The following TRPV4 variants were observed in gnomAD, a reference collection of about 807,000 sequenced individuals.
The protein encoded by TRPV4 is transient receptor potential cation channel subfamily V member 4.
In TRPV4, 58 loss-of-function variants were observed where a neutral mutation model predicts 84.1. The observed-to-expected ratio is 0.69, with a 90% CI of 0.56 to 0.86. The LOEUF (loss-of-function observed/expected upper bound fraction) is 0.86. Ranked by LOEUF, TRPV4 falls within the 40% of genes least tolerant of loss-of-function variation. TRPV4 has a pLI of 0.00. For missense variants in TRPV4, 879 were observed against 1,181.1 expected (o/e 0.74, Z 3.75); for synonymous variants, 489 against 500.9 (o/e 0.98, Z 0.32).
chr12:109,811,863 A>G (rs1410681920), intron 2 of TRPV4, among the ~76,000 whole-genome samples: 1 of 148,390 alleles, frequency 6.7e-6, no homozygotes, highest in Non-Finnish European at 1.5e-5. Context: ...GGACACACAC[A>G]CAGGCCACCG....
At position 109,798,251 on chromosome 12, in the gene TRPV4, C is replaced by T. The variant is rs557649988; in HGVS notation, c.1152+363G>A. 2.0e-5 allele frequency among the ~76,000 whole-genome samples: 3 copies of T among 152,158 alleles called. No individual in the cohort carries two copies. The highest frequency in any genetic ancestry group is 4.4e-5 in the Non-Finnish European group (3 of 68,032). ...AAACCCTTCTCCAGGCCCCATGCTG[C>T]GCGGCCCAGAAAAGGGAAGGAACTG... On this transcript the variant is annotated intron_variant, in intron 6 of 15. Transcript: ENST00000261740. The surrounding 1 kb of genome is among the most constrained non-coding windows in gnomAD (Gnocchi z 5.0).
Position 109,796,972 on chromosome 12 carries a change from A to G in TRPV4, c.1153-268T>C, listed in dbSNP as rs1444924979. On this transcript the variant is annotated intron_variant, in intron 6 of 15. Transcript: ENST00000261740. This position sits in a 1 kb window ranked among gnomAD's most constrained non-coding sequence, Gnocchi z 4.2. ...GATGAGCCTTCAACATCTTAATTGTAATGAATATCTTCTTCATGCCGTTAA... is the reference window on the plus strand; with the variant it reads ...GATGAGCCTTCAACATCTTAATTGTGATGAATATCTTCTTCATGCCGTTAA... 2.0e-5 allele frequency among the ~76,000 whole-genome samples: 3 copies of G among 152,202 alleles called. No homozygotes were observed. Among genetic ancestry groups the G allele is most frequent in the Admixed American group, 6.5e-5 (1 of 15,274 alleles).
At chr12:109,821,465 C>T (rs1403177317) in intron 1 of TRPV4, among the ~76,000 whole-genome samples, 1 of 152,184 alleles carries the variant, frequency 6.6e-6, no homozygotes, top group African/African-American at 2.4e-5. Context: ...CCTGTTTCCC[C>T]TGCTCTTTAC....
rs865990220 is a variant in TRPV4, at chr12:109,788,838, A to G, written c.1892-122T>C. On this transcript the variant is annotated intron_variant, in intron 12 of 15. Coordinates refer to ENST00000261740, the MANE Select transcript of TRPV4 (RefSeq NM_021625.5). ...TAGTGAGCGGAGCACGCTGGCCCAC[A>G]CGCTGACCCATGTCACCCTACACAT... The G allele has an allele frequency of 4.6e-5, 51 of 1,113,818 alleles. No homozygotes were observed. In the African/African-American group the frequency reaches 6.8e-4, roughly 15 times the overall value. The allele number at this position is 1,113,818 out of a possible 1,614,324, so 69.0% of individuals were successfully genotyped here. A position where few individuals can be genotyped will look rare whatever the true frequency, so the allele number is the denominator to read the frequency against.
Position 109,821,561 on chromosome 12 carries a change from G to A in TRPV4, c.-31-6734C>T, listed in dbSNP as rs1008700131. 5.9e-5 allele frequency among the ~76,000 whole-genome samples: 9 copies of A among 151,402 alleles called. No individual in the cohort carries two copies. In the South Asian group the frequency reaches 1.5e-3, roughly 25 times the overall value. ...GTATTTTTTTTTTCAAGAGAGTCTCGCTCTGTCCCCCAGGTTGGAGTGCAG... is the reference window on the plus strand; with the variant it reads ...GTATTTTTTTTTTCAAGAGAGTCTCACTCTGTCCCCCAGGTTGGAGTGCAG... On this transcript the variant is annotated intron_variant, in intron 1 of 15. Transcript: ENST00000261740.
Position 109,814,714 on chromosome 12 carries a change from C to T in TRPV4, c.83G>A (p.Gly28Glu), listed in dbSNP as rs775254127. Reference sequence around the variant, plus strand: ...CAGGGAGGAGAGAGGAAAAGCCTCCCCACCTGGGGTGCCACTCTCATCCCC... The same window carrying T: ...CAGGGAGGAGAGAGGAAAAGCCTCCTCACCTGGGGTGCCACTCTCATCCCC... The part of the protein sequence containing the change: ...LPGDESGTPG[G>E]EAFPLSSLAN... Residue 28 changes from glycine (G) to glutamate (E), a missense_variant, in exon 2 of 16, where the codon GGG (glycine) becomes GAG (glutamate). By Grantham distance (98) the Gly-to-Glu change is moderately conservative. Transcript: ENST00000261740. This position sits in a 1 kb window ranked among gnomAD's most constrained non-coding sequence, Gnocchi z 5.4. 6.2e-7 allele frequency: 1 copy of T among 1,604,134 alleles called. No individual in the cohort carries two copies. Among genetic ancestry groups the T allele is most frequent in the Non-Finnish European group, 8.5e-7 (1 of 1,176,198 alleles).
intron 1 of TRPV4, among the ~76,000 whole-genome samples, chr12:109,825,001 C>T (rs886936416): frequency 2.6e-5 from 4 of 151,710 alleles, no homozygotes; most frequent in South Asian, 2.1e-4. Context: ...GGGGTTAAGC[C>T]GTATTTGCTC....
At chr12:109,823,125 C>T (rs1016245394) in intron 1 of TRPV4, among the ~76,000 whole-genome samples, 3 of 152,206 alleles carry the variant, frequency 2.0e-5, no homozygotes, top group Non-Finnish European at 2.9e-5. Context: ...CCCCACGGCT[C>T]CCAGGCACTT....
At chr12:109,795,254 C>G (rs1890318272) in intron 7 of TRPV4, among the ~76,000 whole-genome samples, 1 of 152,120 alleles carries the variant, frequency 6.6e-6, no homozygotes, top group Non-Finnish European at 1.5e-5. Flanking sequence ...ATAATTGAGC[C>G]CTGCACAATT....
At chr12:109,784,826 G>A in intron 14 of TRPV4, among the ~76,000 whole-genome samples, 1 of 111,590 alleles carries the variant, frequency 9.0e-6, no homozygotes, top group South Asian at 3.8e-4. Context: ...GGGGGACAAA[G>A]CAAGACTCCA....
chr12:109,831,873 G>A (rs1014395690), intron 1 of TRPV4, among the ~76,000 whole-genome samples: 7 of 152,196 alleles, frequency 4.6e-5, no homozygotes, highest in African/African-American at 1.4e-4. Flanking sequence ...GACCCCTTCC[G>A]CGTGCAATTC....
rs749870092 is a variant in TRPV4, at chr12:109,786,685, C to T, written c.2336+25G>A. On this transcript the variant is annotated intron_variant, in intron 14 of 15. Coordinates refer to ENST00000261740, the MANE Select transcript of TRPV4 (RefSeq NM_021625.5). The surrounding 1 kb of genome is among the most constrained non-coding windows in gnomAD (Gnocchi z 4.5). ...AGTGGGGACAGTTCCGCCCTGCCATCCTGGCCCCACTGCCCCAGCCTCACC... is the reference window on the plus strand; with the variant it reads ...AGTGGGGACAGTTCCGCCCTGCCATTCTGGCCCCACTGCCCCAGCCTCACC... The T allele has an allele frequency of 5.0e-6, 8 of 1,613,068 alleles. No homozygotes were observed. The highest frequency in any genetic ancestry group is 6.8e-6 in the Non-Finnish European group (8 of 1,179,946).
rs951362382 is a variant in TRPV4, at chr12:109,812,670, G to A, written c.386+1741C>T. On this transcript the variant is annotated intron_variant, in intron 2 of 15. Transcript: ENST00000261740. Reference sequence around the variant, plus strand: ...GAGAGGAAGGAAAGAAGGACAGCAGGCAGGTGAGCAATCAAGCATGAGAAA... The same window carrying A: ...GAGAGGAAGGAAAGAAGGACAGCAGACAGGTGAGCAATCAAGCATGAGAAA... Among the ~76,000 whole-genome samples the A allele has an allele frequency of 9.2e-5, 14 of 152,126 alleles. 1 individual carries two copies. Among genetic ancestry groups the A allele is most frequent in the African/African-American group, 3.4e-4 (14 of 41,420 alleles).
intron 3 of TRPV4, among the ~76,000 whole-genome samples, chr12:109,807,174 G>C (rs1481266374): frequency 6.6e-6 from 1 of 151,684 alleles, no homozygotes; most frequent in Non-Finnish European, 1.5e-5. Flanking sequence ...TACTTGGGAG[G>C]CTGAGGCAGG....
At chr12:109,802,868 A>T (rs1890889534) in intron 4 of TRPV4, 123 bp downstream of exon 4, 1 of 977,870 alleles carries the variant, frequency 1.0e-6, no homozygotes, top group Admixed American at 1.9e-5. Context: ...CCATCCATCC[A>T]TTTGTCAGGT....
At chr12:109,827,203 A>G (rs1385407620) in intron 1 of TRPV4, among the ~76,000 whole-genome samples, 2 of 152,198 alleles carry the variant, frequency 1.3e-5, no homozygotes, top group African/African-American at 2.4e-5. Context: ...TTTCTGGCCT[A>G]TAAGACCAAC....
In TRPV4 at chr12:109,792,413, AG is replaced by A; in HGVS notation, c.1840del (p.Leu614PhefsTer12). The A allele has an allele frequency of 2.5e-6, 4 of 1,613,978 alleles. No homozygotes were observed. The highest frequency in any genetic ancestry group is 3.4e-6 in the Non-Finnish European group (4 of 1,179,984). ...IMIQKILFKD[L>X]FRFLLVYLLF... ...CAAGTAGACGAGCAGGAATCGGAAAAGGTCCTTGAAGAGAATCTAAAGACCC... is the reference window on the plus strand; with the variant it reads ...CAAGTAGACGAGCAGGAATCGGAAAAGTCCTTGAAGAGAATCTAAAGACCC... On this transcript the variant is annotated frameshift_variant, in exon 12 of 16. Transcript: ENST00000261740. LOFTEE classifies it high-confidence loss of function.
At chr12:109,785,494 C>T (rs1204179666) in intron 14 of TRPV4, among the ~76,000 whole-genome samples, 1 of 152,032 alleles carries the variant, frequency 6.6e-6, no homozygotes, top group Non-Finnish European at 1.5e-5. Flanking sequence ...TCTCGGCTCA[C>T]TGCAACCTCC....
intron 12 of TRPV4, 44 bp from the exon 13 acceptor site, chr12:109,788,760 C>G: frequency 6.2e-7 from 1 of 1,606,498 alleles, no homozygotes; most frequent in Non-Finnish European, 8.5e-7. Context: ...TGAGCACACC[C>G]ACAGAGAGGT....
Sources: allele counts gnomAD v4.1 joint callset (sites outside exome capture counted in the v4.1 genomes callset), GRCh38; gene constraint gnomAD v4.1.1; non-coding constraint Gnocchi (gnomAD v3.1); transcripts MANE v1.5; gene names NCBI Gene and HGNC (gene_info 2026-07-23, HGNC 2026-07-21).